LYG1: variants seen among roughly 807,000 people sequenced by gnomAD.
LYG1 encodes the protein lysozyme g-like protein 1.
LYG1 carries 17 observed loss-of-function variants against 21.7 expected under a neutral mutation model. That is an observed-to-expected ratio of 0.78 (90% CI 0.54 to 1.18). The LOEUF (loss-of-function observed/expected upper bound fraction) is 1.18, where lower values mean the gene tolerates loss of function less well. Ranked by LOEUF, LYG1 falls within the 50% of genes most tolerant of loss-of-function variation. The pLI, the probability that LYG1 is intolerant of heterozygous loss-of-function variation, is 0.00. For synonymous variants in LYG1, 81 were observed against 87.4 expected (o/e 0.93, Z 0.41); for missense variants, 211 against 238.1 (o/e 0.89, Z 0.75).
At chr2:99,286,085 T>C (rs2094098779) in intron 5 of LYG1, among the ~76,000 whole-genome samples, 1 of 152,058 alleles carries the variant, frequency 6.6e-6, no homozygotes, top group African/African-American at 2.4e-5. Flanking sequence ...GAAGAGAGAC[T>C]AAGCCAGCAC....
intron 5 of LYG1, among the ~76,000 whole-genome samples, 193 bp from the exon 6 acceptor site, chr2:99,285,013 T>G (rs149540299): frequency 1.1e-4 from 17 of 152,186 alleles, no homozygotes; most frequent in African/African-American, 4.1e-4. Flanking sequence ...GGGAACAAAT[T>G]TGCCAGACAG....
At chr2:99,299,582 G>A (rs1029234567) in intron 1 of LYG1, among the ~76,000 whole-genome samples, 42 of 151,012 alleles carry the variant, frequency 2.8e-4, no homozygotes, top group African/African-American at 1.0e-3. Flanking sequence ...GTGCCACCAC[G>A]CCCAGCTAAT....
intron 1 of LYG1, 140 bp from the exon 2 acceptor site, chr2:99,298,689 T>C (rs1281364648): frequency 6.6e-6 from 1 of 152,280 alleles, no homozygotes; most frequent in Non-Finnish European, 1.5e-5. Flanking sequence ...AAATGTGACG[T>C]ATTAACACCT....
At chr2:99,284,617 T>A in intron 6 of LYG1, 71 bp downstream of exon 6, 2 of 1,594,880 alleles carry the variant, frequency 1.3e-6, no homozygotes, top group South Asian at 2.2e-5. Flanking sequence ...TCGGGGAATC[T>A]GGTGCAATGT....
Position 99,291,505 on chromosome 2 carries a change from CA to C in LYG1, c.149-85del, listed in dbSNP as rs2094118315. Reference sequence around the variant, plus strand: ...TCAAGGGGAGAGAGAAAGAACAATCCAAGGATCTGAGTAATGGTCGAGGACT... The same window carrying C: ...TCAAGGGGAGAGAGAAAGAACAATCCAGGATCTGAGTAATGGTCGAGGACT... On this transcript the variant is annotated intron_variant, in intron 4 of 6. Transcript: ENST00000308528. 13 of 1,430,726 alleles carry C rather than the reference CA, an allele frequency of 9.1e-6. 1 individual carries two copies. Among genetic ancestry groups the C allele is most frequent in the Middle Eastern group, 1.8e-4 (1 of 5,592 alleles). 88.6% of individuals were successfully genotyped at this position (1,430,726 alleles called of 1,614,324 possible). A position where few individuals can be genotyped will look rare whatever the true frequency, so the allele number is the denominator to read the frequency against.
chr2:99,302,767 C>G (rs2094158336), upstream of LYG1, among the ~76,000 whole-genome samples: 1 of 152,002 alleles, frequency 6.6e-6, no homozygotes, highest in African/African-American at 2.4e-5. Context: ...GTCTGTAATC[C>G]CAGCGCTTTG....
chr2:99,289,033 GA>G (rs1156825067), intron 5 of LYG1, among the ~76,000 whole-genome samples: 3 of 152,108 alleles, frequency 2.0e-5, no homozygotes, highest in African/African-American at 7.2e-5. Context: ...CAACAACTGA[GA>G]ACTTATTTAT....
At chr2:99,299,772 G>GT (rs1202049248) in intron 1 of LYG1, among the ~76,000 whole-genome samples, 4 of 150,530 alleles carry the variant, frequency 2.7e-5, no homozygotes, top group Non-Finnish European at 5.9e-5. Flanking sequence ...TTTAATTTTT[G>GT]TTTTTTTAAA....
chr2:99,293,244 G>A (rs537478064), intron 3 of LYG1, among the ~76,000 whole-genome samples: 9 of 152,114 alleles, frequency 5.9e-5, no homozygotes, highest in Non-Finnish European at 1.3e-4. Context: ...CGCCCGCCTC[G>A]GCCTCCCAAA....
intron 3 of LYG1, among the ~76,000 whole-genome samples, chr2:99,295,016 C>T (rs754966764): frequency 2.6e-5 from 4 of 152,088 alleles, no homozygotes; most frequent in Non-Finnish European, 4.4e-5. Context: ...GCAGGAGAAT[C>T]GCTTGAAACC....
intron 3 of LYG1, among the ~76,000 whole-genome samples, chr2:99,293,809 CAT>C (rs1188547688): frequency 6.6e-6 from 1 of 152,172 alleles, no homozygotes; most frequent in Non-Finnish European, 1.5e-5. Flanking sequence ...AATGGGGACA[CAT>C]GAGTCAGTAC....
intron 5 of LYG1, 70 bp from the exon 6 acceptor site, chr2:99,284,890 A>G (rs1450620117): frequency 5.7e-6 from 9 of 1,567,566 alleles, no homozygotes; most frequent in East Asian, 2.3e-5. Context: ...ACTGGGCTCA[A>G]TGGCGCTTGT....
chr2:99,286,900 T>C (rs992415452), intron 5 of LYG1, among the ~76,000 whole-genome samples: 1 of 152,126 alleles, frequency 6.6e-6, no homozygotes. Flanking sequence ...AAAGAAAATG[T>C]GGTATACACA....
At chr2:99,288,654 C>CG (rs1482766271) in intron 5 of LYG1, among the ~76,000 whole-genome samples, 1 of 152,136 alleles carries the variant, frequency 6.6e-6, no homozygotes, top group African/African-American at 2.4e-5. Context: ...CTGCAACCTC[C>CG]GCCTCCCAGG....
intron 1 of LYG1, among the ~76,000 whole-genome samples, chr2:99,300,693 G>C (rs2094151493): frequency 6.7e-6 from 1 of 148,382 alleles, no homozygotes; most frequent in African/African-American, 2.5e-5. Context: ...TAGTCTTTTG[G>C]CTTTCAGTTA....
At chr2:99,291,458 T>C in intron 4 of LYG1, 37 bp from the exon 5 acceptor site, 1 of 1,600,162 alleles carries the variant, frequency 6.2e-7, no homozygotes, top group East Asian at 2.2e-5. Flanking sequence ...CAGCTTGTTG[T>C]GACTTATGCT....
chr2:99,300,113 G>A lies in LYG1; in HGVS notation c.-124+937C>T, dbSNP rs73964809. The stretch of plus-strand genomic sequence containing the variant: ...TTTTTGAGAAAAATACAACTTTTTA[G>A]AGCAAAAATATAGGGCAGCAACAGG... On this transcript the variant is annotated intron_variant, in intron 1 of 6. Transcript: ENST00000308528. Among the ~76,000 whole-genome samples, 421 of 151,692 alleles carry A rather than the reference G, an allele frequency of 2.8e-3. 3 individuals are homozygous for A. The highest frequency in any genetic ancestry group is 9.5e-3 in the African/African-American group (393 of 41,356).
At chr2:99,303,545 C>A (rs1276154525), upstream of LYG1, among the ~76,000 whole-genome samples, 3 of 152,118 alleles carry the variant, frequency 2.0e-5, no homozygotes, top group Non-Finnish European at 4.4e-5. Context: ...CTGAGGAGGT[C>A]GTTCTCCATC....
At chr2:99,294,886 G>A (rs531402500) in intron 3 of LYG1, among the ~76,000 whole-genome samples, 2 of 152,252 alleles carry the variant, frequency 1.3e-5, no homozygotes, top group East Asian at 1.9e-4. Flanking sequence ...GCCAGATCAC[G>A]AGGTCAAGAG....
Sources: allele counts gnomAD v4.1 joint callset (sites outside exome capture counted in the v4.1 genomes callset), GRCh38; gene constraint gnomAD v4.1.1; transcripts MANE v1.5; gene names NCBI Gene and HGNC (gene_info 2026-07-23, HGNC 2026-07-21).